THSD4: variants seen among roughly 807,000 people sequenced by gnomAD.
THSD4 encodes thrombospondin type-1 domain-containing protein 4.
A neutral mutation model predicts 119.0 loss-of-function variants in THSD4; 69 were observed. The ratio of observed to expected loss-of-function variants is 0.58; its 90% CI spans 0.48 to 0.71. THSD4 has a LOEUF of 0.71. Among genes scored for constraint, THSD4 ranks in the 30% least tolerant of loss-of-function variants. The probability of loss-of-function intolerance (pLI) is 0.00; values close to 1 mark genes in which losing one functional copy is unlikely to be tolerated. For synonymous variants in THSD4, 524 were observed against 540.4 expected, an observed-to-expected ratio of 0.97 and a Z score of 0.42; for missense variants, 1,393 against 1,391.1, an observed-to-expected ratio of 1.00 and a Z score of -0.02.
intron 6 of THSD4, among the ~76,000 whole-genome samples, chr15:71,382,814 A>G (rs910820844): frequency 6.6e-6 from 1 of 152,184 alleles, no homozygotes; most frequent in African/African-American, 2.4e-5. Context: ...ATAGACCCAA[A>G]TATATTTAGC....
chr15:71,139,543 A>G (rs1039606236), intron 1 of THSD4, among the ~76,000 whole-genome samples: 7 of 152,176 alleles, frequency 4.6e-5, no homozygotes, highest in African/African-American at 1.4e-4. Context: ...AGAGCCAAGA[A>G]TTTAAGGGTC....
chr15:71,105,383 T>G (rs1022214442), intron 1 of THSD4, among the ~76,000 whole-genome samples: 2 of 152,214 alleles, frequency 1.3e-5, no homozygotes, highest in African/African-American at 4.8e-5. Context: ...CCCTGTAGAA[T>G]TGGGGTACCC....
intron 15 of THSD4, among the ~76,000 whole-genome samples, chr15:71,763,434 G>A (rs535340599): frequency 3.2e-4 from 48 of 152,248 alleles, no homozygotes; most frequent in Non-Finnish European, 5.9e-4. Flanking sequence ...TAAGAGGCTG[G>A]GCACAGTGGC....
At chr15:71,174,314 G>C (rs2141410949) in intron 3 of THSD4, among the ~76,000 whole-genome samples, 1 of 152,156 alleles carries the variant, frequency 6.6e-6, no homozygotes, top group Admixed American at 6.5e-5. Context: ...GCGAGGCATT[G>C]CCTCACCTGG....
At chr15:71,229,556 T>C (rs1273287834) in intron 4 of THSD4, among the ~76,000 whole-genome samples, 1 of 152,218 alleles carries the variant, frequency 6.6e-6, no homozygotes, top group Non-Finnish European at 1.5e-5. Context: ...GTTTAGGGAA[T>C]AATGACAAGA....
At chr15:71,368,959 G>C (rs918654275) in intron 6 of THSD4, among the ~76,000 whole-genome samples, 96 of 152,170 alleles carry the variant, frequency 6.3e-4, no homozygotes, top group African/African-American at 1.3e-3. Flanking sequence ...CTTTTATTTT[G>C]TTGAGCAGTG....
intron 7 of THSD4, among the ~76,000 whole-genome samples, chr15:71,460,752 C>G (rs1364574257): frequency 2.6e-5 from 4 of 152,152 alleles, no homozygotes; most frequent in Non-Finnish European, 5.9e-5. Flanking sequence ...GTATTTAATG[C>G]CAAGGTCACT....
chr15:71,441,583 C>A (rs547072607), intron 7 of THSD4, among the ~76,000 whole-genome samples: 2 of 150,750 alleles, frequency 1.3e-5, no homozygotes, highest in African/African-American at 4.9e-5. Context: ...TTAGTAGAGA[C>A]GGGGTTTCAC....
chr15:71,221,253 C>T (rs1219084062), intron 4 of THSD4, among the ~76,000 whole-genome samples: 13 of 152,120 alleles, frequency 8.5e-5, no homozygotes, highest in African/African-American at 2.4e-5. Context: ...TTTTCTTCCT[C>T]CAATTATTTT....
intron 7 of THSD4, among the ~76,000 whole-genome samples, chr15:71,459,697 G>A (rs1191672765): frequency 2.0e-5 from 3 of 151,898 alleles, no homozygotes; most frequent in Admixed American, 1.3e-4. Context: ...TACAAACTTA[G>A]GAATGAATAT....
chr15:71,435,562 T>G (rs944272575), intron 7 of THSD4, among the ~76,000 whole-genome samples: 5 of 152,188 alleles, frequency 3.3e-5, no homozygotes, highest in Non-Finnish European at 7.4e-5. Context: ...GAGGTAACTT[T>G]CCGGGTTTAG....
chr15:71,630,113 T>G (rs188600587), intron 7 of THSD4, among the ~76,000 whole-genome samples: 50 of 152,320 alleles, frequency 3.3e-4, no homozygotes, highest in African/African-American at 1.2e-3. Context: ...AATTTGTTGC[T>G]ATCTAACTAC....
rs749116588 is a variant in THSD4, at chr15:71,771,082, G to C, written c.2788G>C (p.Gly930Arg). Residue 930 changes from glycine to arginine, a missense_variant, in exon 17 of 18, where the codon GGT becomes CGT. By Grantham distance (125) the Gly-to-Arg change is moderately radical (BLOSUM62 -2). Coordinates refer to ENST00000261862, the MANE Select transcript of THSD4 (RefSeq NM_024817.3). Reference sequence around the variant, plus strand: ...CATGCAGTGTTCCAAGAGCTGCCAGGGTGGCTTTCGGGTCCGGGAAGTGCG... The same window carrying C: ...CATGCAGTGTTCCAAGAGCTGCCAGCGTGGCTTTCGGGTCCGGGAAGTGCG... ...EWSMCSKSCQ[G>R]GFRVREVRCL... The C allele has an allele frequency of 8.1e-6, 13 of 1,614,008 alleles. No homozygotes were observed. Among genetic ancestry groups the C allele is most frequent in the Admixed American group, 3.3e-5 (2 of 60,002 alleles).
At chr15:71,254,959 A>G (rs2044297827) in intron 5 of THSD4, among the ~76,000 whole-genome samples, 1 of 152,170 alleles carries the variant, frequency 6.6e-6, no homozygotes, top group Non-Finnish European at 1.5e-5. Flanking sequence ...ACAGCAGGGT[A>G]ATGACCACGC....
chr15:71,497,667 C>G (rs573747477), intron 7 of THSD4, among the ~76,000 whole-genome samples: 10 of 152,074 alleles, frequency 6.6e-5, no homozygotes, highest in Admixed American at 5.2e-4. Flanking sequence ...CTTTTAAGAA[C>G]GACTTTCCCT....
intron 7 of THSD4, among the ~76,000 whole-genome samples, chr15:71,461,200 A>G (rs1370867299): frequency 6.6e-6 from 1 of 152,148 alleles, no homozygotes; most frequent in Non-Finnish European, 1.5e-5. Flanking sequence ...TGTCTCACTC[A>G]TGTGCCTAGT....
At chr15:71,258,666 C>T (rs2044351898) in intron 6 of THSD4, among the ~76,000 whole-genome samples, 1 of 152,182 alleles carries the variant, frequency 6.6e-6, no homozygotes, top group African/African-American at 2.4e-5. Flanking sequence ...AAGTGTAATA[C>T]TCACTTAATA....
chr15:71,554,478 T>C (rs1393110555), intron 7 of THSD4, among the ~76,000 whole-genome samples: 3 of 152,048 alleles, frequency 2.0e-5, no homozygotes, highest in Non-Finnish European at 4.4e-5. Flanking sequence ...AGCCTCAACC[T>C]CCCAGGCTCA....
At chr15:71,516,386 C>A (rs2048361825) in intron 7 of THSD4, among the ~76,000 whole-genome samples, 1 of 152,156 alleles carries the variant, frequency 6.6e-6, no homozygotes, top group South Asian at 2.1e-4. Flanking sequence ...AACCTCACGG[C>A]TTGGCTTAAA....
Sources: allele counts gnomAD v4.1 joint callset (sites outside exome capture counted in the v4.1 genomes callset), GRCh38; gene constraint gnomAD v4.1.1; transcripts MANE v1.5; gene names NCBI Gene and HGNC (gene_info 2026-07-23, HGNC 2026-07-21).